Variants in SLC12A3 observed in about 807,000 individuals in gnomAD.
The protein encoded by SLC12A3 is solute carrier family 12 member 3, also known as Na-Cl cotransporter.
In SLC12A3, 104 loss-of-function variants were observed where a neutral mutation model predicts 121.0. The observed-to-expected ratio is 0.86, with a 90% CI of 0.73 to 1.01. The LOEUF (loss-of-function observed/expected upper bound fraction) is 1.01. Among genes scored for constraint, SLC12A3 ranks in the 50% least tolerant of loss-of-function variants. The pLI, the probability that SLC12A3 is intolerant of heterozygous loss-of-function variation, is 0.00. For missense variants in SLC12A3, 1,328 were observed against 1,356.3 expected, an observed-to-expected ratio of 0.98 and a Z score of 0.33; for synonymous variants, 536 against 533.4, an observed-to-expected ratio of 1.00 and a Z score of -0.07.
chr16:56,865,949 T>C (rs1300644547), intron 1 of SLC12A3, among the ~76,000 whole-genome samples: 2 of 151,724 alleles, frequency 1.3e-5, no homozygotes, highest in African/African-American at 2.4e-5. Context: ...CATATGACAA[T>C]TGGGCTGAAT....
At chr16:56,886,225 T>C in intron 15 of SLC12A3, 139 bp from the exon 16 acceptor site, 1 of 635,594 alleles carries the variant, frequency 1.6e-6, no homozygotes, top group South Asian at 1.8e-5. Flanking sequence ...GATTTATAGG[T>C]GGGAAGCCGA....
intron 25 of SLC12A3, among the ~76,000 whole-genome samples, chr16:56,912,389 T>C (rs78239036): frequency 0.041 from 6,311 of 152,312 alleles, 393 homozygotes; most frequent in African/African-American, 0.14. Context: ...CACGCAGCAT[T>C]GCACAGTTAA....
In SLC12A3 at chr16:56,874,543, G is replaced by A. The variant is rs2055142438; in HGVS notation, c.1095+1757G>A. ...GAGCCAGGCACAGTGGCTCATGCCT[G>A]TAATCCTAGCACTTTGGAAGGCCAG... On this transcript the variant is annotated intron_variant, in intron 8 of 25. Transcript: ENST00000563236. Among the ~76,000 whole-genome samples, 2 of 152,232 alleles carry A rather than the reference G, an allele frequency of 1.3e-5. 1 individual carries two copies. Among genetic ancestry groups the A allele is most frequent in the South Asian group, 4.1e-4 (2 of 4,834 alleles).
intron 25 of SLC12A3, among the ~76,000 whole-genome samples, chr16:56,907,934 G>A (rs1280320159): frequency 6.6e-6 from 1 of 152,144 alleles, no homozygotes; most frequent in Admixed American, 6.5e-5. Flanking sequence ...CCAGTAGACA[G>A]TAGAGCATGT....
rs557772454 is a variant in SLC12A3 at position 56,893,055 on chromosome 16, G to T, written c.2521+1G>T. 1 of 1,613,132 alleles carries T rather than the reference G, an allele frequency of 6.2e-7. No individual in the cohort carries two copies. Among genetic ancestry groups the T allele is most frequent in the Non-Finnish European group, 8.5e-7 (1 of 1,179,058 alleles). On this transcript the variant is annotated splice_donor_variant, in intron 21 of 25. Transcript: ENST00000563236. LOFTEE classifies it high-confidence loss of function. ...ATCTACTGGCTCTTTGACGATGGAG[G>T]TCAGTGACCCCCTTGGATCAGCCCT...
chr16:56,892,964 G>A lies in SLC12A3; in HGVS notation c.2431G>A (p.Ala811Thr). The change falls in exon 21 of 26, where the codon GCC (alanine) becomes ACC (threonine). Residue 811 changes from alanine (A) to threonine (T), a missense_variant. By Grantham distance (58) the Ala-to-Thr change is moderately conservative. Coordinates refer to ENST00000563236, the MANE Select transcript of SLC12A3 (RefSeq NM_001126108.2). ...CCCACCTCCTGCAGTGGACCCCAAG[G>A]CCCTGGTGAAGGAGGAGCAGGCCAC... ...KEASARVDPK[A>T]LVKEEQATTI... 6.2e-7 allele frequency: 1 copy of A among 1,614,174 alleles called. No homozygotes were observed. The highest frequency in any genetic ancestry group is 1.3e-5 in the African/African-American group (1 of 75,072).
intron 19 of SLC12A3, 66 bp from the exon 20 acceptor site, chr16:56,892,017 A>G (rs2055394561): frequency 2.5e-6 from 3 of 1,220,272 alleles, no homozygotes; most frequent in Non-Finnish European, 2.4e-6. Flanking sequence ...GAGCCCTGTC[A>G]AGGAGGAACC....
In SLC12A3 at chr16:56,873,806, G is replaced by C. The variant is rs567695715; in HGVS notation, c.1095+1020G>C. Among the ~76,000 whole-genome samples, 4 of 151,884 alleles carry C rather than the reference G, an allele frequency of 2.6e-5. No homozygotes were observed. The South Asian group carries it at 8.4e-4, about 32-fold the overall frequency. On this transcript the variant is annotated intron_variant, in intron 8 of 25. Coordinates refer to ENST00000563236, the MANE Select transcript of SLC12A3 (RefSeq NM_001126108.2). ...AGCTCACTGCAACCTCCGCCTCCCGGGTTCAAGTGATTCTCATGCCTCAGC... is the reference window on the plus strand; with the variant it reads ...AGCTCACTGCAACCTCCGCCTCCCGCGTTCAAGTGATTCTCATGCCTCAGC...
chr16:56,886,831 A>T, intron 16 of SLC12A3, 122 bp from the exon 17 acceptor site: 2 of 1,352,688 alleles, frequency 1.5e-6, no homozygotes, highest in South Asian at 1.2e-5. Flanking sequence ...ATCTGGGCAA[A>T]AGAAAAGGGC....
intron 10 of SLC12A3, 76 bp downstream of exon 10, chr16:56,879,303 A>G (rs1434866644): frequency 7.6e-6 from 12 of 1,584,538 alleles, no homozygotes; most frequent in Non-Finnish European, 8.6e-6. Flanking sequence ...CAGGCCTGGA[A>G]GTTTGTTGGG....
rs771189918 is a variant in SLC12A3, at chr16:56,902,357, A to G, written c.2721-16A>G. The G allele has an allele frequency of 8.7e-6, 14 of 1,613,714 alleles. No homozygotes were observed. In the East Asian group the frequency reaches 2.7e-4, roughly 31 times the overall value. ...TTATCGTCTCAGCCGGCCTCAACCC[A>G]CTTTCTCGTCCCCAGCACCAAGAGG... is the stretch of plus-strand genomic sequence containing the variant. On this transcript the variant is annotated splice_polypyrimidine_tract_variant and intron_variant, in intron 23 of 25. Coordinates refer to ENST00000563236, the MANE Select transcript of SLC12A3 (RefSeq NM_001126108.2).
chr16:56,890,487 G>A, intron 19 of SLC12A3, 131 bp downstream of exon 19: 1 of 733,034 alleles, frequency 1.4e-6, no homozygotes, highest in Non-Finnish European at 2.4e-6. Context: ...TGGTCCCTTA[G>A]AGCCCATCAG....
Position 56,913,269 on chromosome 16 carries a change from T to C in SLC12A3, c.2930T>C (p.Leu977Ser), listed in dbSNP as rs201696394. 9.0e-5 allele frequency: 145 copies of C among 1,614,062 alleles called. No homozygotes were observed. Among genetic ancestry groups the C allele is most frequent in the Non-Finnish European group, 1.1e-4 (127 of 1,180,042 alleles). The change falls in exon 26 of 26, where the codon TTG becomes TCG. Residue 977 changes from leucine to serine, a missense_variant. By Grantham distance (145) the Leu-to-Ser change is moderately radical (BLOSUM62 -2). Transcript: ENST00000563236. ...SRDAALIVIT[L>S]PIGRKGKCPS... ...CACTTTTTCATGCCTTGCAGCACTT[T>C]GCCCATAGGGAGGAAGGGGAAGTGC... is the stretch of plus-strand genomic sequence containing the variant.
chr16:56,912,753 G>A (rs2055702477), intron 25 of SLC12A3, among the ~76,000 whole-genome samples: 1 of 152,190 alleles, frequency 6.6e-6, no homozygotes, highest in Non-Finnish European at 1.5e-5. Flanking sequence ...ACTGTGGAGG[G>A]CTCTGAAGGC....
chr16:56,880,121 G>C lies in SLC12A3; in HGVS notation c.1444-9G>C, dbSNP rs751923245. On this transcript the variant is annotated splice_polypyrimidine_tract_variant and intron_variant, in intron 11 of 25. Coordinates refer to ENST00000563236, the MANE Select transcript of SLC12A3 (RefSeq NM_001126108.2). ...AGCCTAAGGGTGAGTGCGGCATCTGGTGCTGCAGTGCCTTTGCGAGGACCA... is the reference window on the plus strand; with the variant it reads ...AGCCTAAGGGTGAGTGCGGCATCTGCTGCTGCAGTGCCTTTGCGAGGACCA... 6.2e-7 allele frequency: 1 copy of C among 1,603,036 alleles called. No individual in the cohort carries two copies. Among genetic ancestry groups the C allele is most frequent in the Non-Finnish European group, 8.5e-7 (1 of 1,176,168 alleles).
chr16:56,913,066 T>C (rs1313974179), intron 25 of SLC12A3, among the ~76,000 whole-genome samples, 198 bp from the exon 26 acceptor site: 1 of 152,086 alleles, frequency 6.6e-6, no homozygotes, highest in African/African-American at 2.4e-5. Flanking sequence ...GGCCATGGCT[T>C]TGTTTAGAAA....
At chr16:56,904,321 A>G (rs1229995922) in intron 24 of SLC12A3, 74 bp from the exon 25 acceptor site, 1 of 1,305,398 alleles carries the variant, frequency 7.7e-7, no homozygotes, top group Admixed American at 1.7e-5. Flanking sequence ...AATGTTAATG[A>G]GGCCATAGAC....
intron 6 of SLC12A3, among the ~76,000 whole-genome samples, chr16:56,871,483 A>T (rs2055096768): frequency 6.6e-6 from 1 of 152,214 alleles, no homozygotes; most frequent in African/African-American, 2.4e-5. Context: ...CAGGCAGGGC[A>T]GGACCTGGCC....
At chr16:56,900,692 G>T (rs113263824) in intron 23 of SLC12A3, among the ~76,000 whole-genome samples, 14,807 of 151,890 alleles carry the variant, frequency 0.097, 2,429 homozygotes, top group African/African-American at 0.34. Context: ...CACTGTGCCC[G>T]GCTAAATTTG....
Sources: allele counts gnomAD v4.1 joint callset (sites outside exome capture counted in the v4.1 genomes callset), GRCh38; gene constraint gnomAD v4.1.1; transcripts MANE v1.5; gene names NCBI Gene and HGNC (gene_info 2026-07-23, HGNC 2026-07-21).